The following RP1L1 variants were observed in gnomAD, a reference collection of about 807,000 sequenced individuals.
RP1L1 encodes the protein retinitis pigmentosa 1-like 1 protein.
In RP1L1, 27 loss-of-function variants were observed where a neutral mutation model predicts 15.7. The observed-to-expected ratio is 1.72, with a 90% CI of 1.27 to 2.38. RP1L1 has a LOEUF of 2.38. RP1L1 is among the 30% of genes most tolerant of loss of function. The pLI, the probability that RP1L1 is intolerant of heterozygous loss-of-function variation, is 0.00. For missense variants in RP1L1, 4,798 were observed against 3,075.9 expected, an observed-to-expected ratio of 1.56 and a Z score of -13.24; for synonymous variants, 1,813 against 1,276.7, an observed-to-expected ratio of 1.42 and a Z score of -8.96.
intron 1 of RP1L1, among the ~76,000 whole-genome samples, chr8:10,627,892 C>G (rs1215827669): frequency 1.3e-5 from 2 of 152,196 alleles, no homozygotes; most frequent in African/African-American, 4.8e-5. Context: ...GTTAGTACTT[C>G]TGATGAACAG....
In RP1L1 at chr8:10,650,983, G is replaced by T. The variant is rs181813551; in HGVS notation, c.-20+3915C>A. Among the ~76,000 whole-genome samples, 27 of 152,336 alleles carry T rather than the reference G, an allele frequency of 1.8e-4. 1 individual carries two copies. The East Asian group carries it at 5.0e-3, about 28-fold the overall frequency. On this transcript the variant is annotated intron_variant, in intron 1 of 3. Transcript: ENST00000382483. ...TAAGTGAGCAAGTGAAAGCTAAAAG[G>T]GAACACTAAGCTGCTAATAGCTGTA...
intron 3 of RP1L1, among the ~76,000 whole-genome samples, chr8:10,615,074 G>GGGACCAAAT (rs1797943554): frequency 6.6e-6 from 1 of 152,194 alleles, no homozygotes; most frequent in Non-Finnish European, 1.5e-5. Flanking sequence ...GCCCTCCACA[G>GGGACCAAAT]GGACCAAATG....
chr8:10,655,056 G>A lies in RP1L1; in HGVS notation c.-178C>T, dbSNP rs185606172. The A allele has an allele frequency of 8.5e-5, 13 of 152,860 alleles. No homozygotes were observed. The highest frequency in any genetic ancestry group is 8.3e-4 in the South Asian group (4 of 4,818). The allele number at this position is 152,860 out of a possible 1,614,324, so 9.5% of individuals were successfully genotyped here. On this transcript the variant is annotated 5_prime_UTR_variant, in exon 1 of 4. Coordinates refer to ENST00000382483, the MANE Select transcript of RP1L1 (RefSeq NM_178857.6). ...GCCACCCTCCTCCGGACAGTCCTCG[G>A]GGCCACTCTCCTTGGCCTGAGAGCC...
chr8:10,636,293 G>A (rs1798328860), intron 1 of RP1L1, among the ~76,000 whole-genome samples: 2 of 152,198 alleles, frequency 1.3e-5, no homozygotes, highest in South Asian at 4.1e-4. Context: ...TGTCCAGCAT[G>A]AAGGCGTCAA....
At position 10,610,866 on chromosome 8, in the gene RP1L1, G is replaced by A. The variant is rs200718720; in HGVS notation, c.3232C>T (p.Arg1078Trp). 6.1e-5 allele frequency: 98 copies of A among 1,608,204 alleles called. 1 individual carries two copies. The East Asian group carries it at 9.4e-4, about 15-fold the overall frequency. The change falls in exon 4 of 4, where the codon CGG becomes TGG. Residue 1078 changes from arginine to tryptophan, a missense_variant. Transcript: ENST00000382483. ...CRVSLRALPG[R>W]VSASTQIMRA... Reference sequence around the variant, plus strand: ...ATGATCTGCGTGGAGGCAGACACCCGGCCAGGAAGTGCCCGCAGGCTCACC... The same window carrying A: ...ATGATCTGCGTGGAGGCAGACACCCAGCCAGGAAGTGCCCGCAGGCTCACC...
rs373510217 is a variant in RP1L1, at chr8:10,611,032, T to C, written c.3066A>G (p.Pro1022=). Residue 1022 remains proline, a synonymous_variant, in exon 4 of 4, where the codon CCA becomes CCG. Coordinates refer to ENST00000382483, the MANE Select transcript of RP1L1 (RefSeq NM_178857.6). ...QSLEGDPGQD[P]EPEGALLGSS... is the part of the protein sequence containing the mutation. ...TCCCCAGGAGGGCTCCCTCTGGCTC[T>C]GGGTCCTGGCCGGGGTCCCCTTCCA... is the stretch of plus-strand genomic sequence containing the variant. 12 of 1,612,666 alleles carry C rather than the reference T, an allele frequency of 7.4e-6. No homozygotes were observed. The African/African-American group carries it at 1.3e-4, about 18-fold the overall frequency.
intron 1 of RP1L1, among the ~76,000 whole-genome samples, chr8:10,651,648 T>C (rs1379203378): frequency 6.7e-6 from 1 of 150,120 alleles, no homozygotes; most frequent in Non-Finnish European, 1.5e-5. Context: ...TCCCTTGAAC[T>C]CAGGAGGCTG....
At position 10,611,446 on chromosome 8, in the gene RP1L1, TG is replaced by T. The variant is rs758562141; in HGVS notation, c.2651del (p.Pro884GlnfsTer45). The stretch of plus-strand genomic sequence containing the variant: ...GTGTCCCCTCCTGCGGGCTCCCACC[TG>T]GCCCCCGGGCAGTGCTTTGGTGGCT... ...GSSHQSTARG[P>X]GGSPQEGTRQ... is the part of the protein sequence containing the mutation. On this transcript the variant is annotated frameshift_variant, in exon 4 of 4. Coordinates refer to ENST00000382483, the MANE Select transcript of RP1L1 (RefSeq NM_178857.6). LOFTEE classifies it low-confidence loss of function (END_TRUNC). The T allele has an allele frequency of 4.5e-6, 7 of 1,572,340 alleles. No homozygotes were observed. The African/African-American group carries it at 9.4e-5, about 21-fold the overall frequency.
chr8:10,608,978 T>C lies in RP1L1; in HGVS notation c.5120A>G (p.Glu1707Gly). 1 of 1,613,132 alleles carries C rather than the reference T, an allele frequency of 6.2e-7. No individual in the cohort carries two copies. ...CGTGTGGGTCTTGCCAGGGGCCACCTCTGCTGCCTCCCCATCAGTGTGTTC... is the reference window on the plus strand; with the variant it reads ...CGTGTGGGTCTTGCCAGGGGCCACCCCTGCTGCCTCCCCATCAGTGTGTTC... ...RGEHTDGEAA[E>G]VAPGKTHTDP... The change falls in exon 4 of 4, where the codon GAG becomes GGG. Residue 1707 changes from glutamate (E) to glycine (G), a missense_variant. Coordinates refer to ENST00000382483, the MANE Select transcript of RP1L1 (RefSeq NM_178857.6).
intron 1 of RP1L1, among the ~76,000 whole-genome samples, chr8:10,641,793 C>T (rs574778402): frequency 1.3e-5 from 2 of 152,324 alleles, no homozygotes; most frequent in South Asian, 2.1e-4. Context: ...CAAACTGGTA[C>T]ATTCATATCA....
intron 2 of RP1L1, among the ~76,000 whole-genome samples, chr8:10,622,121 A>G (rs565333338): frequency 4.6e-5 from 7 of 152,268 alleles, no homozygotes; most frequent in Non-Finnish European, 8.8e-5. Context: ...TGGGAGTTCA[A>G]GACCAGCCTG....
At chr8:10,631,163 C>G (rs1305841646) in intron 1 of RP1L1, among the ~76,000 whole-genome samples, 1 of 152,026 alleles carries the variant, frequency 6.6e-6, no homozygotes, top group Non-Finnish European at 1.5e-5. Context: ...TTTTAGACGG[C>G]CCAGGCGAGA....
In RP1L1 at chr8:10,610,606, C is replaced by G; in HGVS notation, c.3492G>C (p.Gly1164=). Residue 1164 remains glycine (G), a synonymous_variant, in exon 4 of 4, where the codon GGG becomes GGC. Coordinates refer to ENST00000382483, the MANE Select transcript of RP1L1 (RefSeq NM_178857.6). Reference sequence around the variant, plus strand: ...AGAGGCCTGAGTCCAGCTGGTCTTCCCCAACGTCACATCCTGGCCACAGGT... The same window carrying G: ...AGAGGCCTGAGTCCAGCTGGTCTTCGCCAACGTCACATCCTGGCCACAGGT... ...SKDLWPGCDV[G]EDQLDSGLWE... 6.2e-7 allele frequency: 1 copy of G among 1,613,574 alleles called. No homozygotes were observed. The highest frequency in any genetic ancestry group is 8.5e-7 in the Non-Finnish European group (1 of 1,180,020).
At position 10,607,581 on chromosome 8, in the gene RP1L1, C is replaced by A; in HGVS notation, c.6517G>T (p.Ala2173Ser). The A allele has an allele frequency of 6.4e-7, 1 of 1,567,200 alleles. No individual in the cohort carries two copies. Among genetic ancestry groups the A allele is most frequent in the Non-Finnish European group, 8.7e-7 (1 of 1,146,296 alleles). The change falls in exon 4 of 4, where the codon GCC becomes TCC. Residue 2173 changes from alanine to serine, a missense_variant. Transcript: ENST00000382483. ...GIEAQEAEEEAQPELEGVEAP... is the reference protein window; with the variant it reads ...GIEAQEAEEESQPELEGVEAP... ...TCTACACCTTCTAACTCTGGTTGGGCCTCCTCTTCAGCCTCCTGGGCCTCT... is the reference window on the plus strand; with the variant it reads ...TCTACACCTTCTAACTCTGGTTGGGACTCCTCTTCAGCCTCCTGGGCCTCT...
At chr8:10,614,749 A>G (rs1585972223) in intron 3 of RP1L1, among the ~76,000 whole-genome samples, 1 of 151,574 alleles carries the variant, frequency 6.6e-6, no homozygotes, top group African/African-American at 2.4e-5. Context: ...CAAATGAATG[A>G]AGCCCCCAAG....
Position 10,607,575 on chromosome 8 carries a change from G to C in RP1L1, c.6523C>G (p.Pro2175Ala), listed in dbSNP as rs756982338. ...EAQEAEEEAQ[P>A]ELEGVEAPEA... ...GGGGCCTCTACACCTTCTAACTCTG[G>C]TTGGGCCTCCTCTTCAGCCTCCTGG... The change falls in exon 4 of 4, where the codon CCA (proline) becomes GCA (alanine). Residue 2175 changes from proline (P) to alanine (A), a missense_variant. By Grantham distance (27) the Pro-to-Ala change is conservative. Transcript: ENST00000382483. The C allele has an allele frequency of 1.3e-6, 2 of 1,565,432 alleles. No individual in the cohort carries two copies. The highest frequency in any genetic ancestry group is 2.3e-5 in the East Asian group (1 of 44,216).
Position 10,607,537 on chromosome 8 carries a change from C to T in RP1L1, c.6561G>A (p.Gly2187=), listed in dbSNP as rs553760287. Residue 2187 remains glycine (G), a synonymous_variant, in exon 4 of 4, where the codon GGG becomes GGA. Coordinates refer to ENST00000382483, the MANE Select transcript of RP1L1 (RefSeq NM_178857.6). ...TACCTTCTGACTCTGGCTGGGCCTC[C>T]CCTTCTGCCTCTGGGGCCTCTACAC... The part of the protein sequence containing the change: ...LEGVEAPEAE[G]EAQPESEGIE... The T allele has an allele frequency of 6.2e-7, 1 of 1,604,656 alleles. No individual in the cohort carries two copies. Among genetic ancestry groups the T allele is most frequent in the East Asian group, 2.2e-5 (1 of 44,658 alleles).
At chr8:10,651,367 G>A (rs190131206) in intron 1 of RP1L1, among the ~76,000 whole-genome samples, 1 of 152,334 alleles carries the variant, frequency 6.6e-6, no homozygotes, top group Non-Finnish European at 1.5e-5. Context: ...TGAATCTGGG[G>A]CCTTGGTCAA....
In RP1L1 at chr8:10,655,013, C is replaced by T. The variant is rs1470889000; in HGVS notation, c.-135G>A. On this transcript the variant is annotated 5_prime_UTR_variant, in exon 1 of 4. Coordinates refer to ENST00000382483, the MANE Select transcript of RP1L1 (RefSeq NM_178857.6). The stretch of plus-strand genomic sequence containing the variant: ...TCCTTCCCTGCCAGTGGCTCAGTCC[C>T]TCTGGGCAGCAGGGCTGGCCACCCT... The T allele has an allele frequency of 6.5e-6, 1 of 152,898 alleles. No homozygotes were observed. Among genetic ancestry groups the T allele is most frequent in the East Asian group, 1.9e-4 (1 of 5,196 alleles). The allele number at this position is 152,898 out of a possible 1,614,324, so 9.5% of individuals were successfully genotyped here.
Sources: gnomAD v4.1 joint callset for allele counts (sites outside exome capture counted in the v4.1 genomes callset) on GRCh38, gnomAD v4.1.1 for gene constraint, MANE v1.5 for transcripts, NCBI Gene and HGNC (gene_info 2026-07-23, HGNC 2026-07-21) for gene names.